Variants in EHD2 observed in about 807,000 individuals in gnomAD.
The protein encoded by EHD2 is EH domain-containing protein 2.
In EHD2, 27 loss-of-function variants were observed where a neutral mutation model predicts 41.0. The ratio of observed to expected loss-of-function variants is 0.66; its 90% CI spans 0.49 to 0.91. The LOEUF is 0.91. Among genes scored for constraint, EHD2 ranks in the 40% least tolerant of loss-of-function variants. EHD2 has a pLI of 0.00. For synonymous variants in EHD2, 342 were observed against 341.0 expected (o/e 1.00, Z -0.03); for missense variants, 673 against 773.9 (o/e 0.87, Z 1.55).
At position 47,728,291 on chromosome 19, in the gene EHD2, C is replaced by T. The variant is rs925201999; in HGVS notation, c.915+2067C>T. Among the ~76,000 whole-genome samples, 3 of 151,818 alleles carry T rather than the reference C, an allele frequency of 2.0e-5. No individual in the cohort carries two copies. In the East Asian group the frequency reaches 5.8e-4, roughly 29 times the overall value. On this transcript the variant is annotated intron_variant, in intron 4 of 5. Coordinates refer to ENST00000263277, the MANE Select transcript of EHD2 (RefSeq NM_014601.4). ...GCCTCAGTCCTGTGCACTTGCTGCT[C>T]CCTCTTCCTGGAAACCTCTTCTGCC...
intron 4 of EHD2, among the ~76,000 whole-genome samples, chr19:47,728,020 C>T (rs1229146459): frequency 6.8e-6 from 1 of 146,386 alleles, no homozygotes; most frequent in East Asian, 2.0e-4. Flanking sequence ...CACTTGAACC[C>T]GGGAGGCAGA....
At chr19:47,735,761 C>T (rs1410875561) in intron 4 of EHD2, among the ~76,000 whole-genome samples, 2 of 151,668 alleles carry the variant, frequency 1.3e-5, no homozygotes, top group Admixed American at 6.6e-5. Flanking sequence ...AAAAATTAGC[C>T]GGGTGTGGTG....
intron 4 of EHD2, among the ~76,000 whole-genome samples, chr19:47,728,771 T>C (rs1217345361): frequency 6.6e-6 from 1 of 151,866 alleles, no homozygotes; most frequent in Non-Finnish European, 1.5e-5. Flanking sequence ...GGTTTCACCA[T>C]ATTGGTCAGG....
At chr19:47,722,337 C>T (rs1481908884) in intron 3 of EHD2, among the ~76,000 whole-genome samples, 3 of 151,226 alleles carry the variant, frequency 2.0e-5, no homozygotes, top group African/African-American at 2.4e-5. Flanking sequence ...GTGGAGACAC[C>T]GGGAGGGAGG....
chr19:47,718,720 G>A, intron 3 of EHD2, 114 bp downstream of exon 3: 4 of 925,914 alleles, frequency 4.3e-6, no homozygotes, highest in Admixed American at 4.6e-5. Flanking sequence ...GGAGGGGCTG[G>A]GGTCTGGACT....
chr19:47,715,081 A>ATAAAT (rs1555792890), intron 1 of EHD2, among the ~76,000 whole-genome samples: 3 of 151,444 alleles, frequency 2.0e-5, no homozygotes, highest in Middle Eastern at 3.4e-3. Context: ...AAATAAATAA[A>ATAAAT]AAGAAAGAAA....
In EHD2 at chr19:47,716,068, C is replaced by CTT. The variant is rs60295874; in HGVS notation, c.-55-470_-55-469dup. On this transcript the variant is annotated intron_variant, in intron 1 of 5. Transcript: ENST00000263277. Reference sequence around the variant, plus strand: ...ACAGGCATGAGCCACTGTGCCTGGCCTTTTTTTTTTTTTTTTTTTTTGAGA... The same window carrying CTT: ...ACAGGCATGAGCCACTGTGCCTGGCCTTTTTTTTTTTTTTTTTTTTTTTGAGA... Among the ~76,000 whole-genome samples, 283 of 99,980 alleles carry CTT rather than the reference C, an allele frequency of 2.8e-3. 3 individuals carry two copies. Among genetic ancestry groups the CTT allele is most frequent in the Middle Eastern group, 7.8e-3 (1 of 128 alleles). The allele number at this position is 99,980 out of a possible 152,430, so 65.6% of individuals were successfully genotyped here. A position where few individuals can be genotyped will look rare whatever the true frequency, so the allele number is the denominator to read the frequency against.
rs756650567 is a variant in EHD2, at chr19:47,741,024, C to T, written c.1224C>T (p.Gly408=). The T allele has an allele frequency of 8.3e-5, 133 of 1,609,908 alleles. No homozygotes were observed. Among genetic ancestry groups the T allele is most frequent in the Non-Finnish European group, 1.1e-4 (127 of 1,179,696 alleles). The part of the protein sequence containing the change: ...RQEELESTEV[G]VQGGAFEGTH... ...AGGAGCTGGAGAGCACCGAGGTGGG[C>T]GTGCAGGGGGGCGCTTTTGAGGGCA... Residue 408 remains glycine, a synonymous_variant, in exon 6 of 6, where the codon GGC becomes GGT. Transcript: ENST00000263277. This position sits in a 1 kb window ranked among gnomAD's most constrained non-coding sequence, Gnocchi z 4.5.
intron 4 of EHD2, 61 bp downstream of exon 4, chr19:47,726,285 C>T (rs1404087451): frequency 6.9e-7 from 1 of 1,442,666 alleles, no homozygotes; most frequent in Non-Finnish European, 9.1e-7. Flanking sequence ...TCCTCTCCTA[C>T]CAGTGCTGTG....
chr19:47,736,448 T>A lies in EHD2; in HGVS notation c.995T>A (p.Ile332Asn). ...AAGGAGAACAAGAAGAAGCAGCTGA[T>A]CCTCAAACTGCCCGTCATCTTTGCG... ...FGKENKKKQL[I>N]LKLPVIFAKI... Residue 332 changes from isoleucine (I) to asparagine (N), a missense_variant, in exon 5 of 6, where the codon ATC becomes AAC. Coordinates refer to ENST00000263277, the MANE Select transcript of EHD2 (RefSeq NM_014601.4). 1 of 1,613,124 alleles carries A rather than the reference T, an allele frequency of 6.2e-7. No homozygotes were observed.
rs544283264 is a variant in EHD2, at chr19:47,718,759, T to C, written c.502+153T>C. Among the ~76,000 whole-genome samples, 415 of 67,912 alleles carry C rather than the reference T, an allele frequency of 6.1e-3. 3 individuals are homozygous for C. The highest frequency in any genetic ancestry group is 0.018 in the African/African-American group (215 of 11,872). 44.6% of individuals were successfully genotyped at this position (67,912 alleles called of 152,430 possible). Reference sequence around the variant, plus strand: ...GGGTCTGAGGGAGGAGGGGCTGGGGTCTGGACTCCTGGATCTGAGGGAGGA... The same window carrying C: ...GGGTCTGAGGGAGGAGGGGCTGGGGCCTGGACTCCTGGATCTGAGGGAGGA... On this transcript the variant is annotated intron_variant, in intron 3 of 5. Transcript: ENST00000263277.
At position 47,717,089 on chromosome 19, in the gene EHD2, C is replaced by A. The variant is rs1033289471; in HGVS notation, c.404+73C>A. The A allele has an allele frequency of 2.5e-6, 4 of 1,579,944 alleles. No individual in the cohort carries two copies. In the African/African-American group the frequency reaches 4.0e-5, roughly 16 times the overall value. ...AAGACAGAGTTTCCGCTCTTTTCGC[C>A]CAGGCTGGAGTGCAGTGGTGCGATC... On this transcript the variant is annotated intron_variant, in intron 2 of 5. Coordinates refer to ENST00000263277, the MANE Select transcript of EHD2 (RefSeq NM_014601.4).
intron 1 of EHD2, among the ~76,000 whole-genome samples, chr19:47,716,067 CCTTTT>C (rs1973621306): frequency 7.6e-6 from 1 of 132,340 alleles, no homozygotes; most frequent in African/African-American, 3.0e-5. Flanking sequence ...CTGTGCCTGG[CCTTTT>C]TTTTTTTTTT....
At position 47,742,246 on chromosome 19, in the gene EHD2, C is replaced by A. The variant is rs948964991; in HGVS notation, c.*814C>A. ...TTCTTTTTTGTTTTTGCCCCCAGTT[C>A]TGTCCACACCCCTTCCCTTTCCTGT... is the stretch of plus-strand genomic sequence containing the variant. On this transcript the variant is annotated 3_prime_UTR_variant, in exon 6 of 6. Transcript: ENST00000263277. 1.2e-5 allele frequency: 4 copies of A among 321,878 alleles called. No individual in the cohort carries two copies. In the Admixed American group the frequency reaches 1.5e-4, roughly 12 times the overall value. 19.9% of individuals were successfully genotyped at this position (321,878 alleles called of 1,614,324 possible). A position where few individuals can be genotyped will look rare whatever the true frequency, so the allele number is the denominator to read the frequency against.
At chr19:47,724,530 A>C (rs528911988) in intron 3 of EHD2, among the ~76,000 whole-genome samples, 7 of 152,274 alleles carry the variant, frequency 4.6e-5, no homozygotes, top group African/African-American at 1.4e-4. Flanking sequence ...TCTCCTCAGC[A>C]TTGCTTGTTG....
At chr19:47,729,469 G>A (rs1973786115) in intron 4 of EHD2, 1 of 152,498 alleles carries the variant, frequency 6.6e-6, no homozygotes, top group Admixed American at 6.5e-5. Context: ...CCAGGCAAAA[G>A]GCTTGGAGGT....
rs370736574 is a variant in EHD2, at chr19:47,716,955, G to C, written c.343G>C (p.Val115Leu). Residue 115 changes from valine to leucine, a missense_variant, in exon 2 of 6, where the codon GTC becomes CTC. Physicochemically the swap from Val to Leu is conservative, Grantham distance 32. Transcript: ENST00000263277. ...TEGTVPGNAL[V>L]VDPDKPFRKL... Reference sequence around the variant, plus strand: ...GGGCACCGTGCCCGGCAACGCCCTCGTCGTGGACCCGGACAAGCCCTTCCG... The same window carrying C: ...GGGCACCGTGCCCGGCAACGCCCTCCTCGTGGACCCGGACAAGCCCTTCCG... The C allele has an allele frequency of 6.2e-7, 1 of 1,606,652 alleles. No homozygotes were observed.
Position 47,741,666 on chromosome 19 carries a change from A to T in EHD2, c.*234A>T. 1 of 625,808 alleles carries T rather than the reference A, an allele frequency of 1.6e-6. No homozygotes were observed. Among genetic ancestry groups the T allele is most frequent in the Non-Finnish European group, 2.8e-6 (1 of 352,406 alleles). 38.8% of individuals were successfully genotyped at this position (625,808 alleles called of 1,614,324 possible). On this transcript the variant is annotated 3_prime_UTR_variant, in exon 6 of 6. Coordinates refer to ENST00000263277, the MANE Select transcript of EHD2 (RefSeq NM_014601.4). This position sits in a 1 kb window ranked among gnomAD's most constrained non-coding sequence, Gnocchi z 4.5. ...CCTCCAGCCTCACGTTCACTTAGGC[A>T]CATCACACACACACTGGCACACGCA...
chr19:47,734,389 G>A (rs1441163750), intron 4 of EHD2, among the ~76,000 whole-genome samples: 2 of 151,924 alleles, frequency 1.3e-5, no homozygotes, highest in African/African-American at 4.8e-5. Flanking sequence ...CATAGGAGGA[G>A]GCAAAAGGGA....
Sources: gnomAD v4.1 joint callset for allele counts (sites outside exome capture counted in the v4.1 genomes callset) on GRCh38, gnomAD v4.1.1 for gene constraint, Gnocchi (gnomAD v3.1) non-coding constraint, MANE v1.5 for transcripts, NCBI Gene and HGNC (gene_info 2026-07-23, HGNC 2026-07-21) for gene names.